Variants in TEX15 observed in about 807,000 individuals in gnomAD.
The protein encoded by TEX15 is testis expressed 15, meiosis and synapsis associated.
In TEX15, 171 loss-of-function variants were observed where a neutral mutation model predicts 237.3. The observed-to-expected ratio is 0.72, with a 90% CI of 0.64 to 0.82. The LOEUF (loss-of-function observed/expected upper bound fraction) is 0.82, where lower values mean the gene tolerates loss of function less well. Among genes scored for constraint, TEX15 ranks in the 40% least tolerant of loss-of-function variants. The pLI is 0.00. For missense variants in TEX15, 3,750 were observed against 3,646.5 expected (o/e 1.03, Z -0.73); for synonymous variants, 1,338 against 1,269.8 (o/e 1.05, Z -1.14).
chr8:30,831,774 C>A lies in TEX15; in HGVS notation c.*1512G>T, dbSNP rs1234083462. The A allele has an allele frequency of 6.6e-6, 1 of 152,194 alleles. No homozygotes were observed. Among genetic ancestry groups the A allele is most frequent in the Non-Finnish European group, 1.5e-5 (1 of 68,020 alleles). The allele number at this position is 152,194 out of a possible 1,614,324, so 9.4% of individuals were successfully genotyped here. ...GTATTAACTATAAATGCTGTAACAT[C>A]TTGCCATAACCAAACATAAACCAAA... On this transcript the variant is annotated 3_prime_UTR_variant, in exon 11 of 11. Transcript: ENST00000643185.
intron 5 of TEX15, among the ~76,000 whole-genome samples, chr8:30,861,983 T>A: frequency 6.6e-6 from 1 of 152,014 alleles, no homozygotes; most frequent in Non-Finnish European, 1.5e-5. Context: ...CTGGCAAAAG[T>A]TTTTTTTAAA....
At chr8:30,912,488 G>C (rs1369872056) in intron 1 of TEX15, among the ~76,000 whole-genome samples, 1 of 152,220 alleles carries the variant, frequency 6.6e-6, no homozygotes, top group Non-Finnish European at 1.5e-5. Context: ...AAGTTGTGGC[G>C]CTCTCTCCTC....
rs1213467525 is a variant in TEX15, at chr8:30,842,112, G to C, written c.8055C>G (p.Asn2685Lys). ...TMLPPVSECINKNISNSSKKR... is the reference protein window; with the variant it reads ...TMLPPVSECIKKNISNSSKKR... ...TTTTAGAGGAATTTGAGATGTTTTT[G>C]TTTATGCACTCTGATACTGGGGGCA... Residue 2685 changes from asparagine to lysine, a missense_variant, in exon 8 of 11, where the codon AAC (asparagine) becomes AAG (lysine). Coordinates refer to ENST00000643185, the MANE Select transcript of TEX15 (RefSeq NM_001350162.2). The C allele has an allele frequency of 7.4e-6, 12 of 1,612,560 alleles. No individual in the cohort carries two copies. The highest frequency in any genetic ancestry group is 1.0e-5 in the Non-Finnish European group (12 of 1,179,348).
In TEX15 at chr8:30,846,253, T is replaced by C. The variant is rs768244043; in HGVS notation, c.3914A>G (p.His1305Arg). The part of the protein sequence containing the change: ...VESRISKRKL[H>R]ISSRDQNIPH... ...TATGTTCTGATCCCTGGAAGATATA[T>C]GTAGCTTCCTTTTGCTAATTCTTGA... Residue 1305 changes from histidine to arginine, a missense_variant, in exon 8 of 11, where the codon CAT becomes CGT. Physicochemically the swap from His to Arg is conservative, Grantham distance 29. Transcript: ENST00000643185. 7 of 1,613,554 alleles carry C rather than the reference T, an allele frequency of 4.3e-6. No individual in the cohort carries two copies. The South Asian group carries it at 6.6e-5, about 15-fold the overall frequency.
At position 30,858,829 on chromosome 8, in the gene TEX15, A is replaced by G; in HGVS notation, c.689T>C (p.Val230Ala). Residue 230 changes from valine to alanine, a missense_variant and splice_region_variant, in exon 7 of 11, where the codon GTG (valine) becomes GCG (alanine). Val to Ala is a moderately conservative substitution (Grantham distance 64). Coordinates refer to ENST00000643185, the MANE Select transcript of TEX15 (RefSeq NM_001350162.2). Reference sequence around the variant, plus strand: ...AAGGACACTGTATTCATAGAAGTACACCTGAAAGATGAAAACAGGTTCATG... The same window carrying G: ...AAGGACACTGTATTCATAGAAGTACGCCTGAAAGATGAAAACAGGTTCATG... The part of the protein sequence containing the change: ...TIELQAYSSA[V>A]YFYEYSVLSK... 6.6e-7 allele frequency: 1 copy of G among 1,522,204 alleles called. No homozygotes were observed. The highest frequency in any genetic ancestry group is 8.8e-7 in the Non-Finnish European group (1 of 1,142,490). The allele number at this position is 1,522,204 out of a possible 1,614,324, so 94.3% of individuals were successfully genotyped here.
At position 30,837,059 on chromosome 8, in the gene TEX15, C is replaced by A. The variant is rs547808449; in HGVS notation, c.9225G>T (p.Gly3075=). ...TSYEVQPSPS[G]LLTTVASTAQ... ...CAGTACTTGCAACTGTGGTCAACAG[C>A]CCAGAAGGAGATGGCTGTACTTCAT... is the stretch of plus-strand genomic sequence containing the variant. Residue 3075 remains glycine (G), a synonymous_variant, in exon 10 of 11, where the codon GGG becomes GGT. Transcript: ENST00000643185. 2.5e-6 allele frequency: 4 copies of A among 1,614,092 alleles called. No individual in the cohort carries two copies. Among genetic ancestry groups the A allele is most frequent in the African/African-American group, 1.3e-5 (1 of 75,016 alleles).
intron 1 of TEX15, among the ~76,000 whole-genome samples, chr8:30,903,704 A>C (rs1809046058): frequency 6.6e-6 from 1 of 152,258 alleles, no homozygotes; most frequent in African/African-American, 2.4e-5. Context: ...ATTAAATATA[A>C]CAAATGCCAT....
rs1807713229 is a variant in TEX15 at position 30,849,305 on chromosome 8, A to C, written c.862T>G (p.Ser288Ala). 1 of 1,506,890 alleles carries C rather than the reference A, an allele frequency of 6.6e-7. No individual in the cohort carries two copies. Among genetic ancestry groups the C allele is most frequent in the African/African-American group, 1.4e-5 (1 of 71,344 alleles). The allele number at this position is 1,506,890 out of a possible 1,614,324, so 93.3% of individuals were successfully genotyped here. A position where few individuals can be genotyped will look rare whatever the true frequency, so the allele number is the denominator to read the frequency against. Residue 288 changes from serine to alanine, a missense_variant, in exon 8 of 11, where the codon TCT (serine) becomes GCT (alanine). Coordinates refer to ENST00000643185, the MANE Select transcript of TEX15 (RefSeq NM_001350162.2). ...TTGGCCACTGTACAGTTATTCAGAG[A>C]GCATGTCCTTTCTGTGGAAATAATA... ...GFPKRAERTC[S>A]LNNCTVAKRF...
At chr8:30,838,697 T>TACAC (rs3078152) in intron 9 of TEX15, among the ~76,000 whole-genome samples, 9 of 134,928 alleles carry the variant, frequency 6.7e-5, no homozygotes, top group African/African-American at 1.1e-4. Flanking sequence ...ATTATATATA[T>TACAC]ACACACACAC....
intron 1 of TEX15, among the ~76,000 whole-genome samples, chr8:30,904,243 TTGA>T (rs1809055889): frequency 6.6e-6 from 1 of 152,116 alleles, no homozygotes; most frequent in Non-Finnish European, 1.5e-5. Flanking sequence ...GGTCAGGAGT[TTGA>T]GACCAGCCTG....
intron 5 of TEX15, among the ~76,000 whole-genome samples, chr8:30,864,512 G>A (rs1352756719): frequency 6.7e-6 from 1 of 149,318 alleles, no homozygotes; most frequent in African/African-American, 2.5e-5. Flanking sequence ...TATGTCCTCA[G>A]GGAAAAAAAG....
chr8:30,899,971 T>C (rs990208360), intron 1 of TEX15, among the ~76,000 whole-genome samples: 2 of 152,222 alleles, frequency 1.3e-5, no homozygotes, highest in African/African-American at 2.4e-5. Flanking sequence ...TAAAATGCTA[T>C]GCATTTTCAA....
chr8:30,876,553 C>T (rs1285772984), intron 3 of TEX15, among the ~76,000 whole-genome samples: 1 of 152,152 alleles, frequency 6.6e-6, no homozygotes. Context: ...TACCTTAGCA[C>T]TTTTTGGTGA....
chr8:30,879,097 T>C (rs551611603), intron 3 of TEX15, among the ~76,000 whole-genome samples: 29 of 152,190 alleles, frequency 1.9e-4, no homozygotes, highest in Non-Finnish European at 2.9e-4. Context: ...AGTCTATTCA[T>C]GTCTTTTTCT....
chr8:30,875,230 C>G, intron 3 of TEX15, 128 bp from the exon 4 acceptor site: 1 of 510,430 alleles, frequency 2.0e-6, no homozygotes, highest in Non-Finnish European at 3.0e-6. Flanking sequence ...CATAAGGCAA[C>G]CATTTGTATT....
At chr8:30,833,489 GCTCT>G (rs1043327149) in intron 10 of TEX15, among the ~76,000 whole-genome samples, 166 bp from the exon 11 acceptor site, 9 of 152,140 alleles carry the variant, frequency 5.9e-5, no homozygotes, top group Non-Finnish European at 1.2e-4. Flanking sequence ...TTAATTTAAG[GCTCT>G]CTGAGGAGTG....
chr8:30,911,734 C>G (rs1459462457), intron 1 of TEX15, among the ~76,000 whole-genome samples: 1 of 152,172 alleles, frequency 6.6e-6, no homozygotes, highest in Non-Finnish European at 1.5e-5. Context: ...AACATCATCC[C>G]TGGGCACTGT....
intron 7 of TEX15, among the ~76,000 whole-genome samples, chr8:30,853,620 G>C (rs935665305): frequency 6.6e-6 from 1 of 152,146 alleles, no homozygotes; most frequent in East Asian, 1.9e-4. Flanking sequence ...TATTGACCCA[G>C]TCTGTGTAAG....
Position 30,858,824 on chromosome 8 carries a change from A to C in TEX15, c.694T>G (p.Phe232Val), listed in dbSNP as rs1423310671. 2 of 1,525,810 alleles carry C rather than the reference A, an allele frequency of 1.3e-6. No individual in the cohort carries two copies. Among genetic ancestry groups the C allele is most frequent in the Non-Finnish European group, 8.7e-7 (1 of 1,143,762 alleles). 94.5% of individuals were successfully genotyped at this position (1,525,810 alleles called of 1,614,324 possible). A position where few individuals can be genotyped will look rare whatever the true frequency, so the allele number is the denominator to read the frequency against. ...ELQAYSSAVY[F>V]YEYSVLSKPV... ...TTTGAAAGGACACTGTATTCATAGA[A>C]GTACACCTGAAAGATGAAAACAGGT... Residue 232 changes from phenylalanine (F) to valine (V), a missense_variant, in exon 7 of 11, where the codon TTC becomes GTC. Phe to Val is a conservative substitution (Grantham distance 50). Transcript: ENST00000643185.
Sources: gnomAD v4.1 joint callset for allele counts (sites outside exome capture counted in the v4.1 genomes callset) on GRCh38, gnomAD v4.1.1 for gene constraint, MANE v1.5 for transcripts, NCBI Gene and HGNC (gene_info 2026-07-23, HGNC 2026-07-21) for gene names.